Variants in SLC15A5 observed in about 807,000 individuals in gnomAD.
SLC15A5 encodes the protein solute carrier family 15 member 5.
Under a neutral mutation model 56.1 loss-of-function variants are expected in SLC15A5, and 58 were observed. The observed-to-expected ratio is 1.03, with a 90% CI of 0.84 to 1.29. The LOEUF (loss-of-function observed/expected upper bound fraction) is 1.29, where lower values mean the gene tolerates loss of function less well. SLC15A5 is among the 50% of genes most tolerant of loss of function. The pLI, the probability that SLC15A5 is intolerant of heterozygous loss-of-function variation, is 0.00. For missense variants in SLC15A5, 681 were observed against 672.1 expected, an observed-to-expected ratio of 1.01 and a Z score of -0.15; for synonymous variants, 264 against 250.5, an observed-to-expected ratio of 1.05 and a Z score of -0.51.
At chr12:16,229,814 C>G (rs1354465623) in intron 5 of SLC15A5, among the ~76,000 whole-genome samples, 1 of 152,062 alleles carries the variant, frequency 6.6e-6, no homozygotes, top group Non-Finnish European at 1.5e-5. Context: ...AGCAGGACTC[C>G]CATGATGAAA....
intron 4 of SLC15A5, among the ~76,000 whole-genome samples, chr12:16,242,478 C>A (rs1464872808): frequency 6.6e-6 from 1 of 151,706 alleles, no homozygotes; most frequent in Non-Finnish European, 1.5e-5. Flanking sequence ...TGACTGGGAA[C>A]AAGTTGCAAC....
intron 5 of SLC15A5, among the ~76,000 whole-genome samples, chr12:16,232,291 CA>C (rs1864306644): frequency 6.6e-6 from 1 of 151,778 alleles, no homozygotes; most frequent in Non-Finnish European, 1.5e-5. Context: ...AGAGAAACAA[CA>C]AACCAAAAAA....
chr12:16,214,624 C>T (rs1864112665), intron 7 of SLC15A5, among the ~76,000 whole-genome samples: 1 of 152,118 alleles, frequency 6.6e-6, no homozygotes, highest in African/African-American at 2.4e-5. Flanking sequence ...GGTGAGCTCA[C>T]CTGGTTGGCA....
At chr12:16,257,976 T>C (rs761979644) in intron 2 of SLC15A5, 106 bp from the exon 3 acceptor site, 1 of 1,081,552 alleles carries the variant, frequency 9.2e-7, no homozygotes. Flanking sequence ...AATGATGGCA[T>C]GTTAACTGAA....
At chr12:16,258,889 A>G (rs1038641763) in intron 2 of SLC15A5, among the ~76,000 whole-genome samples, 1 of 152,026 alleles carries the variant, frequency 6.6e-6, no homozygotes, top group Non-Finnish European at 1.5e-5. Flanking sequence ...TCTATTGGTT[A>G]GAATTGGGTT....
At chr12:16,217,170 T>A in intron 6 of SLC15A5, 146 bp from the exon 7 acceptor site, 1 of 743,130 alleles carries the variant, frequency 1.3e-6, no homozygotes, top group Non-Finnish European at 2.1e-6. Context: ...GTTACTATAG[T>A]AAGATATACT....
intron 2 of SLC15A5, among the ~76,000 whole-genome samples, chr12:16,262,445 T>C (rs1241350285): frequency 2.0e-5 from 3 of 152,218 alleles, no homozygotes; most frequent in Admixed American, 1.3e-4. Flanking sequence ...TGGTCTGTGA[T>C]CTTCTACTCT....
At chr12:16,257,267 A>G (rs189292708) in intron 3 of SLC15A5, among the ~76,000 whole-genome samples, 12 of 152,292 alleles carry the variant, frequency 7.9e-5, no homozygotes, top group African/African-American at 2.2e-4. Context: ...AAATGCTATA[A>G]TATTTAGTTT....
At chr12:16,215,851 T>G (rs941114256) in intron 7 of SLC15A5, among the ~76,000 whole-genome samples, 1 of 152,196 alleles carries the variant, frequency 6.6e-6, no homozygotes, top group African/African-American at 2.4e-5. Context: ...ATTTCATTGC[T>G]TCCTTGTACC....
intron 8 of SLC15A5, among the ~76,000 whole-genome samples, chr12:16,193,039 T>C (rs1863852724): frequency 6.6e-6 from 1 of 152,008 alleles, no homozygotes; most frequent in South Asian, 2.1e-4. Context: ...GGATACAAAA[T>C]AAAAATTGAG....
rs1239802579 is a variant in SLC15A5, at chr12:16,225,221, A to G, written c.1163-619T>C. ...ATGTGTATTTATAGCAGCATGATTT[A>G]TATTCCTTTGGGTATATACCCAGTA... On this transcript the variant is annotated intron_variant, in intron 5 of 8. Transcript: ENST00000344941. 4.6e-5 allele frequency among the ~76,000 whole-genome samples: 7 copies of G among 152,164 alleles called. No homozygotes were observed. In the East Asian group the frequency reaches 1.3e-3, roughly 29 times the overall value.
rs776764397 is a variant in SLC15A5 at position 16,216,910 on chromosome 12, A to G, written c.1466T>C (p.Val489Ala). 1 of 1,536,576 alleles carries G rather than the reference A, an allele frequency of 6.5e-7. No homozygotes were observed. Among genetic ancestry groups the G allele is most frequent in the Non-Finnish European group, 8.7e-7 (1 of 1,146,514 alleles). The change falls in exon 7 of 9, where the codon GTA (valine) becomes GCA (alanine). Residue 489 changes from valine to alanine, a missense_variant. By Grantham distance (64) the Val-to-Ala change is moderately conservative (BLOSUM62 0). Coordinates refer to ENST00000344941, the MANE Select transcript of SLC15A5 (RefSeq NM_001170798.1). ...ATTTTTACCATCTGAGATGAGATAT[A>G]CCAACTTCACCAGCAGTGCCCCTGT... ...CFTGALLVKL[V>A]YLISDGNWFP... is the part of the protein sequence containing the mutation.
intron 5 of SLC15A5, among the ~76,000 whole-genome samples, chr12:16,227,111 A>G (rs1864250007): frequency 6.6e-6 from 1 of 152,176 alleles, no homozygotes; most frequent in East Asian, 1.9e-4. Flanking sequence ...GTAAAAAAGG[A>G]GGAAACCTCA....
Position 16,189,813 on chromosome 12 carries a change from T to C in SLC15A5, c.1595A>G (p.Tyr532Cys), listed in dbSNP as rs568894279. 2 of 1,480,796 alleles carry C rather than the reference T, an allele frequency of 1.4e-6. No homozygotes were observed. The highest frequency in any genetic ancestry group is 2.7e-5 in the South Asian group (2 of 74,292). 91.7% of individuals were successfully genotyped at this position (1,480,796 alleles called of 1,614,324 possible). A position where few individuals can be genotyped will look rare whatever the true frequency, so the allele number is the denominator to read the frequency against. Residue 532 changes from tyrosine (Y) to cysteine (C), a missense_variant and splice_region_variant, in exon 9 of 9, where the codon TAT (tyrosine) becomes TGT (cysteine). By Grantham distance (194) the Tyr-to-Cys change is radical. Transcript: ENST00000344941. ...VLGFCSVSQR[Y>C]CNLNHFNAQN... ...GGCATTAAAATGATTTAGATTACAA[T>C]ATCTAAAAAAGAAAGAAAGAAAGCT...
rs555601377 is a variant in SLC15A5 at position 16,194,255 on chromosome 12, T to TG, written c.1592+89dup. On this transcript the variant is annotated intron_variant, in intron 8 of 8. Coordinates refer to ENST00000344941, the MANE Select transcript of SLC15A5 (RefSeq NM_001170798.1). ...TCTAATATTCTAATTTGTCCAGTCA[T>TG]GGTGTACAGAATTCCCTGGCTCAGT... 1,953 of 722,606 alleles carry TG rather than the reference T, an allele frequency of 2.7e-3. 1 individual carries two copies. Among genetic ancestry groups the TG allele is most frequent in the Non-Finnish European group, 3.7e-3 (1,655 of 449,384 alleles). 44.8% of individuals were successfully genotyped at this position (722,606 alleles called of 1,614,324 possible).
chr12:16,246,925 AT>A (rs1445658700), intron 3 of SLC15A5, among the ~76,000 whole-genome samples: 3 of 152,140 alleles, frequency 2.0e-5, no homozygotes, highest in East Asian at 1.9e-4. Flanking sequence ...TTTTAAAAAA[AT>A]ATCTCAACTA....
At chr12:16,219,675 C>G (rs1326623718) in intron 6 of SLC15A5, among the ~76,000 whole-genome samples, 1 of 152,074 alleles carries the variant, frequency 6.6e-6, no homozygotes, top group Non-Finnish European at 1.5e-5. Context: ...TAGGACTTAG[C>G]TTTTCAAGTC....
chr12:16,210,285 T>G (rs1006088958), intron 7 of SLC15A5, among the ~76,000 whole-genome samples: 2 of 152,148 alleles, frequency 1.3e-5, no homozygotes, highest in African/African-American at 2.4e-5. Flanking sequence ...AAATTTGCCA[T>G]GCGTAGGAGG....
intron 2 of SLC15A5, among the ~76,000 whole-genome samples, chr12:16,272,226 G>A (rs1799520): frequency 0.26 from 40,241 of 151,982 alleles, 6,426 homozygotes; most frequent in African/African-American, 0.45. Flanking sequence ...CTAGGTCAAG[G>A]TCAGTCAGCC....
Sources: gnomAD v4.1 joint callset for allele counts (sites outside exome capture counted in the v4.1 genomes callset) on GRCh38, gnomAD v4.1.1 for gene constraint, MANE v1.5 for transcripts, NCBI Gene and HGNC (gene_info 2026-07-23, HGNC 2026-07-21) for gene names.